Variants in TMPRSS12 observed in about 807,000 individuals in gnomAD.
TMPRSS12 encodes the protein transmembrane serine protease 12.
In TMPRSS12, 25 loss-of-function variants were observed where a neutral mutation model predicts 26.0. The observed-to-expected ratio is 0.96, with a 90% CI of 0.70 to 1.34. TMPRSS12 has a LOEUF of 1.34. Among genes scored for constraint, TMPRSS12 ranks in the 40% most tolerant of loss-of-function variants. The pLI is 0.00. For synonymous variants in TMPRSS12, 150 were observed against 161.7 expected (o/e 0.93, Z 0.55); for missense variants, 441 against 440.1 (o/e 1.00, Z -0.02).
At chr12:50,850,193 G>A (rs959507025) in intron 2 of TMPRSS12, among the ~76,000 whole-genome samples, 1 of 152,182 alleles carries the variant, frequency 6.6e-6, no homozygotes, top group Non-Finnish European at 1.5e-5. Flanking sequence ...CTGGTAGGAG[G>A]TGACTGGATT....
chr12:50,865,634 G>A (rs2139728508), intron 3 of TMPRSS12, among the ~76,000 whole-genome samples: 1 of 150,588 alleles, frequency 6.6e-6, no homozygotes, highest in South Asian at 2.1e-4. Context: ...ATATTAATAG[G>A]CACAATATTA....
chr12:50,856,966 A>G (rs998215351), intron 2 of TMPRSS12, among the ~76,000 whole-genome samples: 2 of 152,220 alleles, frequency 1.3e-5, no homozygotes, highest in African/African-American at 2.4e-5. Flanking sequence ...TTGGGATTAC[A>G]GGCATGAGCC....
At chr12:50,872,708 T>C (rs1178885064) in intron 3 of TMPRSS12, among the ~76,000 whole-genome samples, 1 of 117,782 alleles carries the variant, frequency 8.5e-6, no homozygotes, top group Non-Finnish European at 1.7e-5. Flanking sequence ...GACGTATATG[T>C]GTACATATAT....
At chr12:50,846,697 G>A (rs1937771171) in intron 2 of TMPRSS12, among the ~76,000 whole-genome samples, 1 of 152,044 alleles carries the variant, frequency 6.6e-6, no homozygotes, top group Admixed American at 6.5e-5. Flanking sequence ...TCCCACCTCA[G>A]CCTCCTGAAT....
In TMPRSS12 at chr12:50,872,928, A is replaced by ATGTATATATGTACATATATATGACG. The variant is rs1555206516; in HGVS notation, c.653-12316_653-12292dup. ...ATATGACTATATATGTACATATATG[A>ATGTATATATGTACATATATATGACG]TGTATATATGTACATATATATGACG... On this transcript the variant is annotated intron_variant, in intron 3 of 4. Coordinates refer to ENST00000398458, the MANE Select transcript of TMPRSS12 (RefSeq NM_182559.3). Among the ~76,000 whole-genome samples, 11 of 60,528 alleles carry ATGTATATATGTACATATATATGACG rather than the reference A, an allele frequency of 1.8e-4. 1 individual carries two copies. The East Asian group carries it at 1.9e-3, about 11-fold the overall frequency. 39.7% of individuals were successfully genotyped at this position (60,528 alleles called of 152,430 possible).
At chr12:50,851,660 G>A (rs577066797) in intron 2 of TMPRSS12, among the ~76,000 whole-genome samples, 2 of 152,294 alleles carry the variant, frequency 1.3e-5, no homozygotes, top group East Asian at 3.9e-4. Context: ...AACCTTGCTG[G>A]AGAGGTTGAC....
At position 50,885,283 on chromosome 12, in the gene TMPRSS12, T is replaced by A; in HGVS notation, c.690T>A (p.His230Gln). Residue 230 changes from histidine (H) to glutamine (Q), a missense_variant, in exon 4 of 5, where the codon CAT becomes CAA. His to Gln is a conservative substitution (Grantham distance 24). Coordinates refer to ENST00000398458, the MANE Select transcript of TMPRSS12 (RefSeq NM_182559.3). ...ATATTTTACAAGATGCAGAAGTGCA[T>A]TATATTTCTCGAGAGATGTGTAATT... ...ATNILQDAEVHYISREMCNSE... is the reference protein window; with the variant it reads ...ATNILQDAEVQYISREMCNSE... 1 of 1,610,806 alleles carries A rather than the reference T, an allele frequency of 6.2e-7. No homozygotes were observed. Among genetic ancestry groups the A allele is most frequent in the East Asian group, 2.2e-5 (1 of 44,814 alleles).
intron 3 of TMPRSS12, among the ~76,000 whole-genome samples, chr12:50,870,978 T>C (rs1196595284): frequency 6.6e-6 from 1 of 152,058 alleles, no homozygotes; most frequent in Non-Finnish European, 1.5e-5. Flanking sequence ...CATCCCATGC[T>C]CATGGATGGG....
At chr12:50,846,124 A>C (rs1240283928) in intron 2 of TMPRSS12, among the ~76,000 whole-genome samples, 3 of 152,172 alleles carry the variant, frequency 2.0e-5, no homozygotes, top group African/African-American at 7.2e-5. Context: ...TGATACACAA[A>C]AGCTTTTAAT....
At chr12:50,885,653 AC>A (rs1416869134) in intron 4 of TMPRSS12, 1 of 593,308 alleles carries the variant, frequency 1.7e-6, no homozygotes, top group African/African-American at 1.9e-5. Context: ...TTAAAAGTGT[AC>A]AGCTCAATTT....
At chr12:50,876,803 CAAAAAA>C in intron 3 of TMPRSS12, among the ~76,000 whole-genome samples, 1 of 75,332 alleles carries the variant, frequency 1.3e-5, no homozygotes, top group South Asian at 5.8e-4. Flanking sequence ...GACTCTGTCT[CAAAAAA>C]AAAAAAAAAA....
At chr12:50,885,580 G>A in intron 4 of TMPRSS12, 192 bp downstream of exon 4, 1 of 692,360 alleles carries the variant, frequency 1.4e-6, no homozygotes, top group Non-Finnish European at 2.5e-6. Flanking sequence ...GCTGTCATCA[G>A]TAGGCAGAAT....
chr12:50,871,508 G>A (rs1303276095), intron 3 of TMPRSS12, among the ~76,000 whole-genome samples: 1 of 152,042 alleles, frequency 6.6e-6, no homozygotes, highest in African/African-American at 2.4e-5. Context: ...AAGATAACTG[G>A]AAAAACCCTT....
At chr12:50,881,531 A>T (rs1294939887) in intron 3 of TMPRSS12, among the ~76,000 whole-genome samples, 1 of 152,216 alleles carries the variant, frequency 6.6e-6, no homozygotes, top group Non-Finnish European at 1.5e-5. Flanking sequence ...AATTCAAAAC[A>T]CACTACTAAA....
rs1938241962 is a variant in TMPRSS12 at position 50,887,677 on chromosome 12, T to C, written c.*164T>C. On this transcript the variant is annotated 3_prime_UTR_variant, in exon 5 of 5. Coordinates refer to ENST00000398458, the MANE Select transcript of TMPRSS12 (RefSeq NM_182559.3). ...TTGTGACAGATATACAATTGTAATT[T>C]TGGCACTGAATCACATGTCTCCTTG... 2 of 818,638 alleles carry C rather than the reference T, an allele frequency of 2.4e-6. No homozygotes were observed. Among genetic ancestry groups the C allele is most frequent in the East Asian group, 5.4e-5 (2 of 37,148 alleles). The allele number at this position is 818,638 out of a possible 1,614,324, so 50.7% of individuals were successfully genotyped here.
intron 1 of TMPRSS12, 121 bp downstream of exon 1, chr12:50,843,272 T>G: frequency 1.0e-6 from 1 of 981,766 alleles, no homozygotes; most frequent in Non-Finnish European, 1.4e-6. Context: ...AAATTTTACA[T>G]ACCTAAGCAG....
At chr12:50,865,346 A>G (rs891528738) in intron 3 of TMPRSS12, among the ~76,000 whole-genome samples, 6 of 152,204 alleles carry the variant, frequency 3.9e-5, no homozygotes, top group African/African-American at 1.4e-4. Flanking sequence ...AAACAAAAAC[A>G]AAACTCATTG....
At chr12:50,858,033 AG>A (rs941835730) in intron 2 of TMPRSS12, among the ~76,000 whole-genome samples, 8 of 151,950 alleles carry the variant, frequency 5.3e-5, no homozygotes, top group Admixed American at 1.3e-4. Context: ...TAGTAGAGAC[AG>A]GGTTTCACCA....
At chr12:50,885,037 C>G (rs780745106) in intron 3 of TMPRSS12, among the ~76,000 whole-genome samples, 10 of 152,126 alleles carry the variant, frequency 6.6e-5, no homozygotes, top group Non-Finnish European at 1.5e-4. Flanking sequence ...GATCAAGACT[C>G]TATCTCAAAA....
Sources: allele counts gnomAD v4.1 joint callset (sites outside exome capture counted in the v4.1 genomes callset), GRCh38; gene constraint gnomAD v4.1.1; transcripts MANE v1.5; gene names NCBI Gene and HGNC (gene_info 2026-07-23, HGNC 2026-07-21).